Variants in CELSR1 observed in about 807,000 individuals in gnomAD.
CELSR1 encodes the protein adhesion G protein-coupled receptor C1.
In CELSR1, 110 loss-of-function variants were observed where a neutral mutation model predicts 249.1. The ratio of observed to expected loss-of-function variants is 0.44; its 90% confidence interval spans 0.38 to 0.52. The LOEUF is 0.52. Ranked by LOEUF, CELSR1 falls within the 20% of genes least tolerant of loss-of-function variation. The probability of loss-of-function intolerance (pLI) is 0.00; values close to 1 mark genes in which losing one functional copy is unlikely to be tolerated. For synonymous variants in CELSR1, 2,113 were observed against 1,900.0 expected, an observed-to-expected ratio of 1.11 and a Z score of -2.92; for missense variants, 4,109 against 4,296.4, an observed-to-expected ratio of 0.96 and a Z score of 1.22.
Position 46,367,739 on chromosome 22 carries a change from C to A in CELSR1, c.8069G>T (p.Ser2690Ile), listed in dbSNP as rs1283641738. Reference sequence around the variant, plus strand: ...TCGGCCGTCACCTACCTGTAAGCCGCTGAAGATGGCGAAGAGGTAGTGAAA... The same window carrying A: ...TCGGCCGTCACCTACCTGTAAGCCGATGAAGATGGCGAAGAGGTAGTGAAA... ...LSFHYLFAIF[S>I]GLQGPFVLLF... The change falls in exon 28 of 35, where the codon AGC becomes ATC. Residue 2690 changes from serine (S) to isoleucine (I), a missense_variant. Physicochemically the swap from Ser to Ile is moderately radical, Grantham distance 142. Coordinates refer to ENST00000674500, the MANE Select transcript of CELSR1 (RefSeq NM_001378328.1). The A allele has an allele frequency of 6.2e-7, 1 of 1,600,762 alleles. No individual in the cohort carries two copies. The highest frequency in any genetic ancestry group is 1.1e-5 in the South Asian group (1 of 88,324).
chr22:46,427,300 C>A lies in CELSR1; in HGVS notation c.4611+6093G>T, dbSNP rs1487993453. On this transcript the variant is annotated intron_variant, in intron 5 of 34. Coordinates refer to ENST00000674500, the MANE Select transcript of CELSR1 (RefSeq NM_001378328.1). This position sits in a 1 kb window ranked among gnomAD's most constrained non-coding sequence, Gnocchi z 4.2. The stretch of plus-strand genomic sequence containing the variant: ...CCTGTAATCCTAACTGTTTGGGAGG[C>A]CAAGGCAGGGAGATCACCTGAGGTC... Among the ~76,000 whole-genome samples the A allele has an allele frequency of 6.6e-6, 1 of 152,154 alleles. No individual in the cohort carries two copies. The highest frequency in any genetic ancestry group is 2.4e-5 in the African/African-American group (1 of 41,442).
intron 1 of CELSR1, among the ~76,000 whole-genome samples, chr22:46,531,894 T>C (rs2080795806): frequency 6.6e-6 from 1 of 152,192 alleles, no homozygotes; most frequent in Admixed American, 6.5e-5. Flanking sequence ...ACACAGCACC[T>C]GATTTACACG....
At position 46,386,502 on chromosome 22, in the gene CELSR1, C is replaced by G; in HGVS notation, c.6639G>C (p.Thr2213=). 1 of 1,598,876 alleles carries G rather than the reference C, an allele frequency of 6.3e-7. No individual in the cohort carries two copies. Among genetic ancestry groups the G allele is most frequent in the Non-Finnish European group, 8.5e-7 (1 of 1,173,666 alleles). Residue 2213 remains threonine (T), a synonymous_variant, in exon 19 of 35, where the codon ACG becomes ACC. Transcript: ENST00000674500. ...WEQIQRSEGG[T]AQLLRRLEGY... ...CCTCGAGGCGCCGGAGCAGCTGTGCCGTGCCGCCCTCGCTCCGCTGGATCT... is the reference window on the plus strand; with the variant it reads ...CCTCGAGGCGCCGGAGCAGCTGTGCGGTGCCGCCCTCGCTCCGCTGGATCT...
In CELSR1 at chr22:46,384,572, G is replaced by A; in HGVS notation, c.6854C>T (p.Ala2285Val). 2 of 1,612,850 alleles carry A rather than the reference G, an allele frequency of 1.2e-6. No homozygotes were observed. Among genetic ancestry groups the A allele is most frequent in the East Asian group, 4.5e-5 (2 of 44,868 alleles). ...RELESSVSFP[A>V]DFFRPPEEKE... ...TTCTTCAGGTGGTCTGAAGAAGTCG[G>A]CTGGGAAGGAGACGGAGGACTCCAG... is the stretch of plus-strand genomic sequence containing the variant. The change falls in exon 20 of 35, where the codon GCC (alanine) becomes GTC (valine). Residue 2285 changes from alanine to valine, a missense_variant. Coordinates refer to ENST00000674500, the MANE Select transcript of CELSR1 (RefSeq NM_001378328.1).
intron 2 of CELSR1, among the ~76,000 whole-genome samples, chr22:46,463,409 G>A (rs769907556): frequency 6.6e-6 from 1 of 152,136 alleles, no homozygotes; most frequent in Admixed American, 6.5e-5. Context: ...CCAGCTACTC[G>A]GGAGGCTGAG....
At chr22:46,438,808 G>A (rs886340003) in intron 3 of CELSR1, among the ~76,000 whole-genome samples, 22 of 152,148 alleles carry the variant, frequency 1.4e-4, no homozygotes, top group Non-Finnish European at 2.5e-4. Flanking sequence ...GCCCAGGTCG[G>A]AGTGCAGTGG....
chr22:46,475,660 G>GGA (rs1555926103), intron 1 of CELSR1, among the ~76,000 whole-genome samples: 3 of 20,252 alleles, frequency 1.5e-4, no homozygotes, highest in African/African-American at 2.9e-4. Flanking sequence ...AGAAACGAAT[G>GGA]GGGGGGGAAG....
At chr22:46,491,614 CAT>C (rs1236451277) in intron 1 of CELSR1, among the ~76,000 whole-genome samples, 3 of 143,912 alleles carry the variant, frequency 2.1e-5, no homozygotes, top group Non-Finnish European at 4.5e-5. Context: ...AGAAAGGAAA[CAT>C]AGTCTCTATT....
Position 46,362,900 on chromosome 22 carries a change from CCT to C in CELSR1, c.*321_*322del. 1 of 478,510 alleles carries C rather than the reference CCT, an allele frequency of 2.1e-6. No homozygotes were observed. Among genetic ancestry groups the C allele is most frequent in the Non-Finnish European group, 3.7e-6 (1 of 267,226 alleles). 29.6% of individuals were successfully genotyped at this position (478,510 alleles called of 1,614,324 possible). On this transcript the variant is annotated 3_prime_UTR_variant, in exon 35 of 35. Transcript: ENST00000674500. ...AGCCTCTGGGCCCAGTCTGGGGTCC[CCT>C]CTCAGTTCTGGCTTTGACTGCAGTC...
intron 5 of CELSR1, among the ~76,000 whole-genome samples, chr22:46,426,850 C>A (rs547347179): frequency 1.3e-5 from 2 of 152,326 alleles, no homozygotes; most frequent in Admixed American, 1.3e-4. Flanking sequence ...TGGGCCTTCG[C>A]CAGGCCCCAA....
chr22:46,487,870 G>C (rs189910932), intron 1 of CELSR1, among the ~76,000 whole-genome samples: 2 of 143,604 alleles, frequency 1.4e-5, no homozygotes, highest in East Asian at 4.3e-4. Flanking sequence ...TGGGGGTTGC[G>C]GGGGAGGGGT....
At chr22:46,452,558 C>T (rs1431843960) in intron 2 of CELSR1, among the ~76,000 whole-genome samples, 1 of 152,238 alleles carries the variant, frequency 6.6e-6, no homozygotes, top group Non-Finnish European at 1.5e-5. Context: ...CCTACAGCCC[C>T]AGCACCAACC....
chr22:46,389,643 T>A (rs2079068109), intron 17 of CELSR1, 144 bp from the exon 18 acceptor site: 3 of 922,752 alleles, frequency 3.3e-6, no homozygotes, highest in Non-Finnish European at 5.0e-6. Flanking sequence ...TGGCTGGGCA[T>A]GGTGGCTCAC....
chr22:46,495,223 T>C (rs1180778422), intron 1 of CELSR1, among the ~76,000 whole-genome samples: 1 of 152,206 alleles, frequency 6.6e-6, no homozygotes, highest in Non-Finnish European at 1.5e-5. Flanking sequence ...ACACCTAGGC[T>C]GTGGTATAAC....
At position 46,448,455 on chromosome 22, in the gene CELSR1, G is replaced by A; in HGVS notation, c.4184-9044C>T. 5.9e-6 allele frequency: 2 copies of A among 337,562 alleles called. No individual in the cohort carries two copies. Among genetic ancestry groups the A allele is most frequent in the Non-Finnish European group, 1.2e-5 (2 of 171,616 alleles). 20.9% of individuals were successfully genotyped at this position (337,562 alleles called of 1,614,324 possible). A position where few individuals can be genotyped will look rare whatever the true frequency, so the allele number is the denominator to read the frequency against. ...AGGCAGAGAACCTCAGGACCTGGGG[G>A]AGGGCTGGGAACGCGCTGGGAACGT... On this transcript the variant is annotated intron_variant, in intron 2 of 34. Transcript: ENST00000674500. The surrounding 1 kb of genome is among the most constrained non-coding windows in gnomAD (Gnocchi z 5.7).
At chr22:46,504,371 G>A (rs113103432) in intron 1 of CELSR1, among the ~76,000 whole-genome samples, 2,459 of 151,874 alleles carry the variant, frequency 0.016, 60 homozygotes, top group African/African-American at 0.057. Flanking sequence ...AAAATTAGCC[G>A]GGTATGGTGG....
intron 2 of CELSR1, among the ~76,000 whole-genome samples, chr22:46,443,565 C>T (rs377583276): frequency 5.9e-5 from 9 of 152,382 alleles, no homozygotes; most frequent in African/African-American, 2.2e-4. Context: ...TGTGCACACA[C>T]ACACCTGCAC....
At chr22:46,485,047 C>T (rs1040857789) in intron 1 of CELSR1, among the ~76,000 whole-genome samples, 3 of 152,030 alleles carry the variant, frequency 2.0e-5, no homozygotes, top group African/African-American at 7.2e-5. Flanking sequence ...AGATGATTAA[C>T]TAGAGGCTCT....
intron 1 of CELSR1, among the ~76,000 whole-genome samples, chr22:46,486,398 A>T (rs1330356334): frequency 6.6e-6 from 1 of 151,908 alleles, no homozygotes; most frequent in African/African-American, 2.4e-5. Context: ...AAATACAAAA[A>T]TTAGCTGGGC....
Sources: gnomAD v4.1 joint callset for allele counts (sites outside exome capture counted in the v4.1 genomes callset) on GRCh38, gnomAD v4.1.1 for gene constraint, Gnocchi (gnomAD v3.1) non-coding constraint, MANE v1.5 for transcripts, NCBI Gene and HGNC (gene_info 2026-07-23, HGNC 2026-07-21) for gene names.